PAPOLA: variants seen among roughly 807,000 people sequenced by gnomAD.
PAPOLA encodes poly(A) polymerase alpha.
In PAPOLA, 15 loss-of-function variants were observed where a neutral mutation model predicts 100.6. That is an observed-to-expected ratio of 0.15 (90% CI 0.10 to 0.23). The LOEUF (loss-of-function observed/expected upper bound fraction) is 0.23. Ranked by LOEUF, PAPOLA falls within the 10% of genes least tolerant of loss-of-function variation. PAPOLA has a pLI of 1.00. For synonymous variants in PAPOLA, 293 were observed against 300.0 expected (o/e 0.98, Z 0.24); for missense variants, 533 against 884.2 (o/e 0.60, Z 5.04).
At chr14:96,563,045 T>C (rs925106900) in intron 21 of PAPOLA, 152 bp downstream of exon 21, 28 of 542,284 alleles carry the variant, frequency 5.2e-5, no homozygotes, top group African/African-American at 4.6e-4. Context: ...ATTGTAGTTT[T>C]AAGGCAGGGC....
intron 1 of PAPOLA, among the ~76,000 whole-genome samples, chr14:96,508,989 T>C (rs963336714): frequency 6.6e-6 from 1 of 152,174 alleles, no homozygotes; most frequent in African/African-American, 2.4e-5. Flanking sequence ...CACTATACCA[T>C]CTCCTGTGGA....
chr14:96,506,138 G>A (rs1483041815), intron 1 of PAPOLA, among the ~76,000 whole-genome samples: 1 of 152,064 alleles, frequency 6.6e-6, no homozygotes, highest in East Asian at 1.9e-4. Flanking sequence ...TCCTGACCTC[G>A]TGATCCCCCC....
chr14:96,530,849 C>CT (rs1898943223), intron 6 of PAPOLA, among the ~76,000 whole-genome samples: 1 of 152,118 alleles, frequency 6.6e-6, no homozygotes, highest in South Asian at 2.1e-4. Flanking sequence ...GGTTTTACTC[C>CT]TGTCACCCAG....
At chr14:96,545,254 A>G (rs1900300048) in intron 15 of PAPOLA, among the ~76,000 whole-genome samples, 1 of 152,106 alleles carries the variant, frequency 6.6e-6, no homozygotes. Context: ...TAACTGTGAT[A>G]TAAAGGAGAA....
intron 10 of PAPOLA, 125 bp downstream of exon 10, chr14:96,534,688 C>G (rs1899367938): frequency 1.3e-6 from 2 of 1,514,482 alleles, no homozygotes; most frequent in Admixed American, 2.3e-5. Context: ...ATTACACTTT[C>G]TTTTAGATAA....
intron 6 of PAPOLA, among the ~76,000 whole-genome samples, chr14:96,529,474 G>A (rs1898795554): frequency 6.6e-6 from 1 of 151,752 alleles, no homozygotes; most frequent in African/African-American, 2.4e-5. Context: ...TGTAATCCCA[G>A]CACTTTGGGA....
intron 11 of PAPOLA, among the ~76,000 whole-genome samples, chr14:96,536,697 G>A (rs1899562632): frequency 6.6e-6 from 1 of 151,784 alleles, no homozygotes; most frequent in South Asian, 2.1e-4. Flanking sequence ...TTTCCTTCTC[G>A]GGTAACTGGA....
In PAPOLA at chr14:96,502,596, C is replaced by G; in HGVS notation, c.4C>G (p.Pro2Ala). 1 of 1,573,378 alleles carries G rather than the reference C, an allele frequency of 6.4e-7. No homozygotes were observed. Reference protein sequence around the residue: MPFPVTTQGSQQ... With the variant: MAFPVTTQGSQQ... Reference sequence around the variant, plus strand: ...GGCGGTGCCGGCGCCGGAGACGATGCCGTTGTAAGTAATTTGTATTCTGTT... The same window carrying G: ...GGCGGTGCCGGCGCCGGAGACGATGGCGTTGTAAGTAATTTGTATTCTGTT... The change falls in exon 1 of 22, where the codon CCG (proline) becomes GCG (alanine). Residue 2 changes from proline to alanine, a missense_variant. By Grantham distance (27) the Pro-to-Ala change is conservative. This residue lies in a region of PAPOLA where 48 missense variants were observed against 52.3 expected (regional missense o/e 0.92). Transcript: ENST00000216277.
chr14:96,555,214 CT>C (rs555186990), intron 17 of PAPOLA, among the ~76,000 whole-genome samples: 272 of 131,076 alleles, frequency 2.1e-3, no homozygotes, highest in African/African-American at 5.6e-3. Context: ...TCATTCATAA[CT>C]TTTTTTTTTT....
intron 12 of PAPOLA, chr14:96,537,984 A>C (rs1393219870): frequency 6.6e-6 from 1 of 152,028 alleles, no homozygotes; most frequent in Non-Finnish European, 1.5e-5. Flanking sequence ...TCGAAGCACT[A>C]CGTTGTCAGT....
Position 96,542,310 on chromosome 14 carries a change from T to G in PAPOLA, c.1169+14T>G, listed in dbSNP as rs752181573. On this transcript the variant is annotated intron_variant, in intron 13 of 21. Transcript: ENST00000216277. ...ACGCCTGGAATGGTGAGTATAAGAATAGACTTTACAGAAAAAGCAAACTTC... is the reference window on the plus strand; with the variant it reads ...ACGCCTGGAATGGTGAGTATAAGAAGAGACTTTACAGAAAAAGCAAACTTC... 1 of 1,556,270 alleles carries G rather than the reference T, an allele frequency of 6.4e-7. No homozygotes were observed. Among genetic ancestry groups the G allele is most frequent in the African/African-American group, 1.4e-5 (1 of 73,556 alleles).
At position 96,562,811 on chromosome 14, in the gene PAPOLA, T is replaced by A. The variant is rs1394043446; in HGVS notation, c.2068-8T>A. On this transcript the variant is annotated splice_polypyrimidine_tract_variant and splice_region_variant and intron_variant, in intron 20 of 21. Coordinates refer to ENST00000216277, the MANE Select transcript of PAPOLA (RefSeq NM_032632.5). ...TTTTCCCCCTTCCCCATCCTCTTTG[T>A]CTCACAGGAACAACTTGATACAGAG... The A allele has an allele frequency of 1.9e-6, 3 of 1,582,378 alleles. No homozygotes were observed. The highest frequency in any genetic ancestry group is 1.7e-6 in the Non-Finnish European group (2 of 1,154,752).
At position 96,532,308 on chromosome 14, in the gene PAPOLA, T is replaced by G. The variant is rs111379984; in HGVS notation, c.608-23T>G. Reference sequence around the variant, plus strand: ...TTTGTGTGTGTGTGTGTGTGTGTGTTTTTTTTTACCCCTATTAATTAGGTT... The same window carrying G: ...TTTGTGTGTGTGTGTGTGTGTGTGTGTTTTTTTACCCCTATTAATTAGGTT... On this transcript the variant is annotated intron_variant, in intron 7 of 21. Transcript: ENST00000216277. The G allele has an allele frequency of 3.0e-3, 4,671 of 1,562,886 alleles. 9 individuals are homozygous for G. Among genetic ancestry groups the G allele is most frequent in the African/African-American group, 6.5e-3 (469 of 72,336 alleles).
chr14:96,544,458 A>G (rs1292025775), intron 15 of PAPOLA, among the ~76,000 whole-genome samples, 200 bp downstream of exon 15: 1 of 151,938 alleles, frequency 6.6e-6, no homozygotes, highest in East Asian at 1.9e-4. Context: ...AGTGTTTAGG[A>G]TTTTTTCAGA....
Position 96,534,476 on chromosome 14 carries a change from A to G in PAPOLA, c.837-15A>G. 1 of 1,612,714 alleles carries G rather than the reference A, an allele frequency of 6.2e-7. No homozygotes were observed. The highest frequency in any genetic ancestry group is 8.5e-7 in the Non-Finnish European group (1 of 1,179,508). On this transcript the variant is annotated splice_polypyrimidine_tract_variant and intron_variant, in intron 9 of 21. Coordinates refer to ENST00000216277, the MANE Select transcript of PAPOLA (RefSeq NM_032632.5). ...ATCCAATAGTCTTATCAAGTGCTAC[A>G]ATCTTTTTAAACAGGGAATGGCCAA...
intron 1 of PAPOLA, among the ~76,000 whole-genome samples, chr14:96,512,823 CTG>C (rs1427910534): frequency 4.6e-5 from 7 of 152,188 alleles, no homozygotes; most frequent in Admixed American, 3.3e-4. Context: ...GATTACCTTT[CTG>C]TGTTAGTTCT....
intron 14 of PAPOLA, among the ~76,000 whole-genome samples, chr14:96,543,668 A>G (rs960933679): frequency 1.3e-5 from 2 of 152,048 alleles, no homozygotes; most frequent in Non-Finnish European, 2.9e-5. Context: ...AAACTGTTAA[A>G]TGTTCAAAAG....
intron 1 of PAPOLA, among the ~76,000 whole-genome samples, chr14:96,506,985 G>T (rs1242674163): frequency 1.3e-5 from 2 of 152,146 alleles, no homozygotes; most frequent in South Asian, 4.1e-4. Flanking sequence ...CTCTTTTCCA[G>T]TTATAATGTT....
intron 1 of PAPOLA, among the ~76,000 whole-genome samples, chr14:96,507,270 T>G (rs775692380): frequency 6.7e-6 from 1 of 149,810 alleles, no homozygotes; most frequent in Non-Finnish European, 1.5e-5. Flanking sequence ...ATTTTTTGTT[T>G]TGGAAAATAG....
Sources: gnomAD v4.1 joint callset for allele counts (sites outside exome capture counted in the v4.1 genomes callset) on GRCh38, gnomAD v4.1.1 for gene constraint, gnomAD v4.1.1 regional missense constraint, MANE v1.5 for transcripts, NCBI Gene and HGNC (gene_info 2026-07-23, HGNC 2026-07-21) for gene names.